GUK1: variants seen among roughly 807,000 people sequenced by gnomAD.
GUK1 encodes the protein guanylate kinase 1, also known as guanylate kinase.
GUK1 carries 18 observed loss-of-function variants against 25.2 expected under a neutral mutation model. The observed-to-expected ratio is 0.71, with a 90% CI of 0.49 to 1.06. The LOEUF is 1.06. Among genes scored for constraint, GUK1 ranks in the 50% least tolerant of loss-of-function variants. The pLI is 0.00. For synonymous variants in GUK1, 105 were observed against 117.6 expected (o/e 0.89, Z 0.69); for missense variants, 261 against 276.7 (o/e 0.94, Z 0.40).
chr1:228,146,090 G>T, intron 4 of GUK1, 23 bp downstream of exon 3: 1 of 1,569,840 alleles, frequency 6.4e-7, no homozygotes, highest in Non-Finnish European at 8.8e-7. Flanking sequence ...GGGCCCTATG[G>T]CTGGAGCACC....
chr1:228,142,662 A>C (rs1383050927), intron 2 of GUK1, among the ~76,000 whole-genome samples: 1 of 149,434 alleles, frequency 6.7e-6, no homozygotes, highest in Non-Finnish European at 1.5e-5. Context: ...TGGTGAAGAG[A>C]CACACCTGCC....
At chr1:228,143,135 T>G (rs1365186457) in intron 2 of GUK1, among the ~76,000 whole-genome samples, 1 of 152,120 alleles carries the variant, frequency 6.6e-6, no homozygotes, top group Non-Finnish European at 1.5e-5. Flanking sequence ...TGTTTCCTTC[T>G]GTGTGGGTTT....
rs761819970 is a variant in GUK1 at position 228,148,706 on chromosome 1, G to A, written c.*9G>A. ...AAAGGACCGGCGCCTGAGGCTTGCT[G>A]TCTGTTCTCGGCACCCCGGGCCCAT... On this transcript the variant is annotated 3_prime_UTR_variant, in exon 9 of 9. Coordinates refer to ENST00000312726, the MANE Select transcript of GUK1 (RefSeq NM_000858.7). The A allele has an allele frequency of 6.2e-7, 1 of 1,605,988 alleles. No homozygotes were observed. The highest frequency in any genetic ancestry group is 8.5e-7 in the Non-Finnish European group (1 of 1,177,490).
At chr1:228,140,175 A>AG (rs970479192), upstream of GUK1, 22 of 785,802 alleles carry the variant, frequency 2.8e-5, no homozygotes, top group Middle Eastern at 2.4e-4. Flanking sequence ...TACTTCCCTA[A>AG]GGGGCGGGGA....
Position 228,147,699 on chromosome 1 carries a change from A to T in GUK1, c.475A>T (p.Ser159Cys), listed in dbSNP as rs1371695225. The T allele has an allele frequency of 3.1e-6, 5 of 1,612,350 alleles. No individual in the cohort carries two copies. Among genetic ancestry groups the T allele is most frequent in the Non-Finnish European group, 3.4e-6 (4 of 1,179,686 alleles). The change falls in exon 7 of 9, where the codon AGC becomes TGC. Residue 159 changes from serine to cysteine, a missense_variant and splice_region_variant. Coordinates refer to ENST00000312726, the MANE Select transcript of GUK1 (RefSeq NM_000858.7). Reference sequence around the variant, plus strand: ...TGCTGCCCAGGCCGACATGGAGAGCAGTGAGTGTGCCGTGGGATCACCAGG... The same window carrying T: ...TGCTGCCCAGGCCGACATGGAGAGCTGTGAGTGTGCCGTGGGATCACCAGG...
At chr1:228,148,217 T>C in intron 7 of GUK1, 154 bp from the exon 7 acceptor site, 1 of 709,926 alleles carries the variant, frequency 1.4e-6, no homozygotes, top group Middle Eastern at 3.6e-4. Flanking sequence ...GGGGCGGCCC[T>C]TCCCTACCCT....
chr1:228,142,926 G>A lies in GUK1; in HGVS notation c.-3+1638G>A, dbSNP rs1371414384. 3.3e-5 allele frequency among the ~76,000 whole-genome samples: 5 copies of A among 152,012 alleles called. No individual in the cohort carries two copies. The South Asian group carries it at 1.0e-3, about 32-fold the overall frequency. On this transcript the variant is annotated intron_variant, in intron 2 of 8. Transcript: ENST00000312726. ...GAGTTTTTGGCGATTGATGTGCCAC[G>A]TGTGCCTTGTGCCCTGTGCTGGGCG...
rs774866307 is a variant in GUK1 at position 228,141,389 on chromosome 1, C to G, written c.-3+101C>G. ...CATTTAAAACGAGGTTGCTGAAGGC[C>G]AGGATGCGTGCTACCCGGATGTGTG... On this transcript the variant is annotated intron_variant, in intron 2 of 8. Transcript: ENST00000312726. The G allele has an allele frequency of 6.5e-6, 3 of 464,538 alleles. 1 individual carries two copies. Among genetic ancestry groups the G allele is most frequent in the Non-Finnish European group, 8.5e-6 (3 of 353,252 alleles). The allele number at this position is 464,538 out of a possible 1,614,324, so 28.8% of individuals were successfully genotyped here.
chr1:228,146,705 C>T, intron 4 of GUK1, 137 bp from the exon 4 acceptor site: 1 of 664,072 alleles, frequency 1.5e-6, no homozygotes, highest in Non-Finnish European at 2.8e-6. Context: ...CAGATGTCTC[C>T]TGCCCAGCAA....
Position 228,148,467 on chromosome 1 carries a change from C to A in GUK1, c.561+11C>A. The stretch of plus-strand genomic sequence containing the variant: ...GAGGCGCTCTCTGAGGTGGGCCCAT[C>A]CTTGTGCCTACCTGGGCAAGGCCCA... On this transcript the variant is annotated intron_variant, in intron 8 of 8. Transcript: ENST00000312726. 1 of 1,560,184 alleles carries A rather than the reference C, an allele frequency of 6.4e-7. No homozygotes were observed. The highest frequency in any genetic ancestry group is 1.2e-5 in the South Asian group (1 of 84,586).
At chr1:228,147,829 C>T in intron 7 of GUK1, 130 bp downstream of exon 6, 1 of 701,250 alleles carries the variant, frequency 1.4e-6, no homozygotes, top group South Asian at 1.9e-5. Context: ...CCTCAGACCT[C>T]TCAACTACCT....
At chr1:228,143,075 G>A (rs1029190486) in intron 2 of GUK1, among the ~76,000 whole-genome samples, 1 of 152,142 alleles carries the variant, frequency 6.6e-6, no homozygotes, top group African/African-American at 2.4e-5. Flanking sequence ...CTAGCTTAGC[G>A]CTCCCTCAGG....
At chr1:228,142,911 C>T (rs1436844461) in intron 2 of GUK1, among the ~76,000 whole-genome samples, 1 of 151,642 alleles carries the variant, frequency 6.6e-6, no homozygotes, top group Non-Finnish European at 1.5e-5. Flanking sequence ...GAGTTTTTGG[C>T]GATTGATGTG....
intron 2 of GUK1, chr1:228,141,535 G>A (rs1224125458): frequency 4.4e-6 from 3 of 680,020 alleles, no homozygotes; most frequent in East Asian, 2.7e-4. Flanking sequence ...GGCCAGGCGG[G>A]GGCTGAATTC....
chr1:228,141,052 G>A, intron 1 of GUK1: 1 of 671,930 alleles, frequency 1.5e-6, no homozygotes, highest in Non-Finnish European at 1.8e-6. Context: ...TTGCATGAAA[G>A]AGGTCGGTCC....
chr1:228,146,314 G>T, intron 4 of GUK1: 1 of 554,182 alleles, frequency 1.8e-6, no homozygotes, highest in East Asian at 2.9e-5. Flanking sequence ...CACCTTGGAG[G>T]CGGCCACAGT....
upstream of GUK1, chr1:228,140,139 C>T (rs1571877221): frequency 1.1e-5 from 7 of 611,430 alleles, no homozygotes; most frequent in East Asian, 2.2e-4. Context: ...CAGGTGGAGG[C>T]GGGGCTAGCG....
chr1:228,148,872 G>A lies in GUK1; in HGVS notation c.*175G>A. ...GGGTGACCCCCGACCCAGCCTCGCT[G>A]GGCTGTCCCCTGTCCCTATCTCTCA... On this transcript the variant is annotated 3_prime_UTR_variant, in exon 9 of 9. Transcript: ENST00000312726. The A allele has an allele frequency of 6.6e-7, 1 of 1,513,300 alleles. No individual in the cohort carries two copies. Among genetic ancestry groups the A allele is most frequent in the Non-Finnish European group, 9.0e-7 (1 of 1,117,120 alleles). 93.7% of individuals were successfully genotyped at this position (1,513,300 alleles called of 1,614,324 possible).
intron 3 of GUK1, 137 bp downstream of exon 2, chr1:228,145,761 C>G (rs1018357184): frequency 3.8e-6 from 4 of 1,052,854 alleles, no homozygotes; most frequent in Admixed American, 2.4e-5. Flanking sequence ...CACACTCCCC[C>G]CCACACAGAA....
Sources: gnomAD v4.1 joint callset for allele counts (sites outside exome capture counted in the v4.1 genomes callset) on GRCh38, gnomAD v4.1.1 for gene constraint, MANE v1.5 for transcripts, NCBI Gene and HGNC (gene_info 2026-07-23, HGNC 2026-07-21) for gene names.